The following MTMR7 variants were observed in gnomAD, a reference collection of about 807,000 sequenced individuals.
The protein encoded by MTMR7 is phosphatidylinositol-3-phosphate phosphatase MTMR7.
Under a neutral mutation model 81.2 loss-of-function variants are expected in MTMR7, and 76 were observed. That is an observed-to-expected ratio of 0.94 (90% CI 0.78 to 1.13). The LOEUF (loss-of-function observed/expected upper bound fraction) is 1.13, where lower values mean the gene tolerates loss of function less well. MTMR7 is among the 50% of genes most tolerant of loss of function. The pLI, the probability that MTMR7 is intolerant of heterozygous loss-of-function variation, is 0.00. For synonymous variants in MTMR7, 372 were observed against 289.8 expected, an observed-to-expected ratio of 1.28 and a Z score of -2.88; for missense variants, 1,044 against 820.0, an observed-to-expected ratio of 1.27 and a Z score of -3.34.
At chr8:17,355,717 T>C (rs1409335664) in intron 4 of MTMR7, among the ~76,000 whole-genome samples, 2 of 143,186 alleles carry the variant, frequency 1.4e-5, no homozygotes, top group African/African-American at 5.6e-5. Context: ...AATTATTGGC[T>C]ACATTATATA....
intron 1 of MTMR7, among the ~76,000 whole-genome samples, chr8:17,374,776 G>C (rs148501394): frequency 0.01 from 1,584 of 151,844 alleles, 37 homozygotes; most frequent in African/African-American, 0.036. Flanking sequence ...TCGTGCCACT[G>C]AACTCCAGCC....
At chr8:17,412,810 G>C (rs143995161) in intron 1 of MTMR7, among the ~76,000 whole-genome samples, 2 of 152,312 alleles carry the variant, frequency 1.3e-5, no homozygotes, top group African/African-American at 4.8e-5. Flanking sequence ...GGGTGGGCCT[G>C]ACACCCTAGA....
chr8:17,383,801 T>C (rs1330040537), intron 1 of MTMR7, among the ~76,000 whole-genome samples: 1 of 152,090 alleles, frequency 6.6e-6, no homozygotes, highest in Admixed American at 6.6e-5. Flanking sequence ...GGTCGAGGGA[T>C]TCTCTGGGCG....
chr8:17,301,438 C>T (rs1251251729), intron 13 of MTMR7, among the ~76,000 whole-genome samples: 1 of 152,020 alleles, frequency 6.6e-6, no homozygotes, highest in Non-Finnish European at 1.5e-5. Context: ...AGGACAAACA[C>T]AAAGGTAGGA....
At chr8:17,363,935 C>CT (rs34907644) in intron 3 of MTMR7, among the ~76,000 whole-genome samples, 3,783 of 129,018 alleles carry the variant, frequency 0.029, 84 homozygotes, top group Admixed American at 0.068. Context: ...CTTGACAATC[C>CT]TTTTTTTTTT....
At chr8:17,398,394 A>C (rs2150581986) in intron 1 of MTMR7, among the ~76,000 whole-genome samples, 1 of 152,330 alleles carries the variant, frequency 6.6e-6, no homozygotes, top group East Asian at 1.9e-4. Context: ...GAGTTGAAAA[A>C]TGCAATTGCT....
At chr8:17,379,028 A>T (rs75447080) in intron 1 of MTMR7, among the ~76,000 whole-genome samples, 5,502 of 152,308 alleles carry the variant, frequency 0.036, 225 homozygotes, top group African/African-American at 0.096. Context: ...AAAAGCACAG[A>T]AACAAAGAAA....
chr8:17,366,325 G>C (rs751818871), intron 3 of MTMR7, among the ~76,000 whole-genome samples: 4 of 152,078 alleles, frequency 2.6e-5, no homozygotes, highest in Non-Finnish European at 4.4e-5. Context: ...GAATATTTAG[G>C]ATAAATATAT....
intron 6 of MTMR7, among the ~76,000 whole-genome samples, chr8:17,335,294 AG>A (rs1405064759): frequency 6.6e-6 from 1 of 152,150 alleles, no homozygotes; most frequent in Non-Finnish European, 1.5e-5. Flanking sequence ...CAGGCACTCA[AG>A]GAAGATTTAC....
intron 3 of MTMR7, among the ~76,000 whole-genome samples, chr8:17,366,923 T>C (rs972778376): frequency 7.4e-6 from 1 of 135,864 alleles, no homozygotes; most frequent in Non-Finnish European, 1.6e-5. Context: ...CCATTTAGAG[T>C]GGGGTGAGAA....
At chr8:17,334,273 A>G (rs1369841638) in intron 6 of MTMR7, among the ~76,000 whole-genome samples, 2 of 152,236 alleles carry the variant, frequency 1.3e-5, no homozygotes, top group Non-Finnish European at 2.9e-5. Context: ...ACAATTAATA[A>G]AAATTCAATG....
intron 13 of MTMR7, chr8:17,301,779 CAT>C (rs1187426403): frequency 2.8e-5 from 7 of 246,722 alleles, no homozygotes; most frequent in African/African-American, 1.6e-4. Context: ...TCATAGTTAA[CAT>C]AATTTCTAAA....
At chr8:17,374,861 C>T (rs1172922702) in intron 1 of MTMR7, among the ~76,000 whole-genome samples, 1 of 151,866 alleles carries the variant, frequency 6.6e-6, no homozygotes, top group East Asian at 2.0e-4. Context: ...GTAATCCCAG[C>T]ACTTTGATCA....
chr8:17,360,215 G>C (rs1377367536), intron 4 of MTMR7, among the ~76,000 whole-genome samples: 1 of 152,088 alleles, frequency 6.6e-6, no homozygotes, highest in Non-Finnish European at 1.5e-5. Flanking sequence ...TGTTTAAATA[G>C]GTTTGTGTGT....
intron 2 of MTMR7, among the ~76,000 whole-genome samples, chr8:17,371,804 C>T (rs1037631272): frequency 2.7e-5 from 4 of 148,552 alleles, no homozygotes; most frequent in South Asian, 4.2e-4. Context: ...GTACATCATA[C>T]GGAATGATTA....
chr8:17,343,094 T>C (rs956134202), intron 5 of MTMR7, among the ~76,000 whole-genome samples: 1 of 152,158 alleles, frequency 6.6e-6, no homozygotes, highest in Non-Finnish European at 1.5e-5. Context: ...AAGAGAATAA[T>C]TCTGAGTTGG....
intron 1 of MTMR7, among the ~76,000 whole-genome samples, chr8:17,405,537 G>T (rs1821553051): frequency 6.6e-6 from 1 of 152,108 alleles, no homozygotes; most frequent in South Asian, 2.1e-4. Context: ...CCTTTGTGAG[G>T]ATGACATTAT....
rs117226131 is a variant in MTMR7 at position 17,392,750 on chromosome 8, T to A, written c.25-19510A>T. ...AGGGAGGCATTCTTTGCAGAGTTCC[T>A]CCAGAGGAAAAAATATTGAAACTCA... is the stretch of plus-strand genomic sequence containing the variant. On this transcript the variant is annotated intron_variant, in intron 1 of 13. Coordinates refer to ENST00000180173, the MANE Select transcript of MTMR7 (RefSeq NM_004686.5). Among the ~76,000 whole-genome samples the A allele has an allele frequency of 1.4e-4, 21 of 152,322 alleles. No individual in the cohort carries two copies. The East Asian group carries it at 3.7e-3, about 27-fold the overall frequency.
In MTMR7 at chr8:17,299,025, A is replaced by ATACTT. The variant is rs1816924369; in HGVS notation, c.*832_*836dup. 6.6e-6 allele frequency: 1 copy of ATACTT among 152,218 alleles called. No individual in the cohort carries two copies. The highest frequency in any genetic ancestry group is 2.4e-5 in the African/African-American group (1 of 41,456). The allele number at this position is 152,218 out of a possible 1,614,324, so 9.4% of individuals were successfully genotyped here. On this transcript the variant is annotated 3_prime_UTR_variant, in exon 14 of 14. Transcript: ENST00000180173. ...TTTTATCTACTAACTTTATAATGTG[A>ATACTT]TACTTTGAGATCAGGCTGGTGGCTG...
Sources: allele counts gnomAD v4.1 joint callset (sites outside exome capture counted in the v4.1 genomes callset), GRCh38; gene constraint gnomAD v4.1.1; transcripts MANE v1.5; gene names NCBI Gene and HGNC (gene_info 2026-07-23, HGNC 2026-07-21).